NME1: variants seen among roughly 807,000 people sequenced by gnomAD.
The protein encoded by NME1 is nucleoside diphosphate kinase A.
NME1 carries 9 observed loss-of-function variants against 17.2 expected under a neutral mutation model. That is an observed-to-expected ratio of 0.52 (90% CI 0.32 to 0.92). The LOEUF (loss-of-function observed/expected upper bound fraction) is 0.92. Ranked by LOEUF, NME1 falls within the 40% of genes least tolerant of loss-of-function variation. The pLI is 0.04. For missense variants in NME1, 169 were observed against 201.7 expected (o/e 0.84, Z 0.98); for synonymous variants, 72 against 70.8 (o/e 1.02, Z -0.09).
chr17:51,161,252 C>T lies in NME1; in HGVS notation c.321C>T (p.Asp107=). Residue 107 remains aspartate (D), a synonymous_variant, in exon 4 of 5, where the codon GAC becomes GAT. Coordinates refer to ENST00000393196, the MANE Select transcript of NME1 (RefSeq NM_000269.3). ...CCAAGCCTGGGACCATCCGTGGAGA[C>T]TTCTGCATACAAGTTGGCAGGTGAG... ...ADSKPGTIRG[D]FCIQVGRNII... is the part of the protein sequence containing the mutation. The T allele has an allele frequency of 6.2e-7, 1 of 1,611,526 alleles. No homozygotes were observed. The highest frequency in any genetic ancestry group is 8.5e-7 in the Non-Finnish European group (1 of 1,178,956).
chr17:51,155,600 T>C (rs1318793261), intron 1 of NME1, 51 bp from the exon 2 acceptor site: 1 of 1,609,892 alleles, frequency 6.2e-7, no homozygotes, highest in Non-Finnish European at 8.5e-7. Context: ...CGGATGACGC[T>C]GTAGGCAAGT....
chr17:51,154,395 G>C (rs1314651700), intron 1 of NME1: 1 of 1,614,116 alleles, frequency 6.2e-7, no homozygotes, highest in Non-Finnish European at 8.5e-7. Flanking sequence ...GTCTACTTTA[G>C]GGATCGTCTT....
At chr17:51,156,758 G>A (rs533941731) in intron 2 of NME1, among the ~76,000 whole-genome samples, 2 of 152,022 alleles carry the variant, frequency 1.3e-5, no homozygotes, top group South Asian at 2.1e-4. Context: ...CAGGCGTGGT[G>A]GCATGCGCCT....
At chr17:51,154,393 T>C in intron 1 of NME1, 1 of 1,614,058 alleles carries the variant, frequency 6.2e-7, no homozygotes, top group Non-Finnish European at 8.5e-7. Flanking sequence ...CTGTCTACTT[T>C]AGGGATCGTC....
intron 2 of NME1, 147 bp downstream of exon 2, chr17:51,155,927 C>T: frequency 7.6e-7 from 1 of 1,319,138 alleles, no homozygotes; most frequent in East Asian, 2.6e-5. Context: ...TCCTCAGTGC[C>T]CTAGCGTTTG....
intron 2 of NME1, among the ~76,000 whole-genome samples, chr17:51,157,205 T>C (rs767871614): frequency 6.6e-6 from 1 of 150,502 alleles, no homozygotes; most frequent in Admixed American, 6.6e-5. Flanking sequence ...AGGCTCCGTC[T>C]CCAAAAAAAA....
chr17:51,159,454 A>C (rs966075227), intron 2 of NME1, among the ~76,000 whole-genome samples: 15 of 152,316 alleles, frequency 9.8e-5, no homozygotes, highest in South Asian at 2.1e-4. Context: ...AAAATTGGCC[A>C]GGCATGATGG....
intron 3 of NME1, 199 bp from the exon 4 acceptor site, chr17:51,160,961 T>C (rs760452351): frequency 6.0e-5 from 43 of 711,888 alleles, no homozygotes; most frequent in Non-Finnish European, 9.7e-5. Context: ...GAGAATACAT[T>C]GTAGAAAGGC....
At chr17:51,157,475 A>G (rs542256731) in intron 2 of NME1, among the ~76,000 whole-genome samples, 143 of 152,306 alleles carry the variant, frequency 9.4e-4, no homozygotes, top group South Asian at 3.5e-3. Context: ...CTCATGACCT[A>G]AACACCTCCC....
intron 2 of NME1, among the ~76,000 whole-genome samples, chr17:51,159,719 G>T (rs1349283775): frequency 6.6e-6 from 1 of 151,904 alleles, no homozygotes; most frequent in East Asian, 1.9e-4. Context: ...TTTTTTAAAT[G>T]AGATAGCTGG....
At chr17:51,161,566 T>C in intron 4 of NME1, 162 bp from the exon 5 acceptor site, 1 of 725,652 alleles carries the variant, frequency 1.4e-6, no homozygotes, top group South Asian at 1.6e-5. Flanking sequence ...GGGAGGGCAT[T>C]TTTCAGCCTT....
Position 51,161,949 on chromosome 17 carries a change from A to G in NME1, c.*104A>G. On this transcript the variant is annotated 3_prime_UTR_variant, in exon 5 of 5. Transcript: ENST00000393196. ...AGTTATTTACAGGAACTTCATCATA[A>G]TTTGGAGGGAAGCTCTTGGAGCTGT... 2.5e-6 allele frequency: 2 copies of G among 806,290 alleles called. No homozygotes were observed. The highest frequency in any genetic ancestry group is 4.3e-6 in the Non-Finnish European group (2 of 462,252). 49.9% of individuals were successfully genotyped at this position (806,290 alleles called of 1,614,324 possible). A position where few individuals can be genotyped will look rare whatever the true frequency, so the allele number is the denominator to read the frequency against.
intron 2 of NME1, among the ~76,000 whole-genome samples, chr17:51,158,913 G>T (rs552927881): frequency 1.3e-3 from 193 of 152,208 alleles, no homozygotes; most frequent in African/African-American, 4.5e-3. Context: ...TCATTTTTCA[G>T]CAAAATTATT....
chr17:51,156,032 C>T (rs967755491), intron 2 of NME1: 5 of 408,624 alleles, frequency 1.2e-5, no homozygotes, highest in Admixed American at 7.0e-5. Context: ...TGCAGAGTTC[C>T]ACATATGACT....
rs749825423 is a variant in NME1, at chr17:51,160,026, G to A, written c.173G>A (p.Arg58His). The A allele has an allele frequency of 3.6e-5, 58 of 1,614,086 alleles. 1 individual carries two copies. The highest frequency in any genetic ancestry group is 5.3e-5 in the African/African-American group (4 of 75,034). ...GAACACTACGTTGACCTGAAGGACCGTCCATTCTTTGCCGGCCTGGTGAAA... is the reference window on the plus strand; with the variant it reads ...GAACACTACGTTGACCTGAAGGACCATCCATTCTTTGCCGGCCTGGTGAAA... ...LKEHYVDLKD[R>H]PFFAGLVKYM... The change falls in exon 3 of 5, where the codon CGT becomes CAT. Residue 58 changes from arginine (R) to histidine (H), a missense_variant. Transcript: ENST00000393196.
At position 51,155,667 on chromosome 17, in the gene NME1, G is replaced by T; in HGVS notation, c.13G>T (p.Glu5Ter). The part of the protein sequence containing the change: MANC[E>*]RTFIAIKPDG... Reference sequence around the variant, plus strand: ...TATCCCCAGAACCATGGCCAACTGTGAGCGTACCTTCATTGCGATCAAACC... The same window carrying T: ...TATCCCCAGAACCATGGCCAACTGTTAGCGTACCTTCATTGCGATCAAACC... The change falls in exon 2 of 5, where the codon GAG (glutamate) becomes TAG (stop). Residue 5 changes from glutamate (E) to a stop codon, truncating the protein, a stop_gained. Coordinates refer to ENST00000393196, the MANE Select transcript of NME1 (RefSeq NM_000269.3). LOFTEE classifies it high-confidence loss of function. 1 of 1,614,012 alleles carries T rather than the reference G, an allele frequency of 6.2e-7. No homozygotes were observed. Among genetic ancestry groups the T allele is most frequent in the South Asian group, 1.1e-5 (1 of 91,058 alleles).
In NME1 at chr17:51,155,680, T is replaced by C; in HGVS notation, c.26T>C (p.Ile9Thr). Residue 9 changes from isoleucine to threonine, a missense_variant, in exon 2 of 5, where the codon ATT becomes ACT. Coordinates refer to ENST00000393196, the MANE Select transcript of NME1 (RefSeq NM_000269.3). MANCERTF[I>T]AIKPDGVQRG... ...ATGGCCAACTGTGAGCGTACCTTCA[T>C]TGCGATCAAACCAGATGGGGTCCAG... 1 of 1,614,096 alleles carries C rather than the reference T, an allele frequency of 6.2e-7. No homozygotes were observed. The highest frequency in any genetic ancestry group is 8.5e-7 in the Non-Finnish European group (1 of 1,179,974).
Position 51,161,160 on chromosome 17 carries a change from G to A in NME1, c.229G>A (p.Val77Ile), listed in dbSNP as rs753428563. The A allele has an allele frequency of 1.5e-5, 24 of 1,609,290 alleles. No individual in the cohort carries two copies. Among genetic ancestry groups the A allele is most frequent in the African/African-American group, 2.7e-5 (2 of 74,854 alleles). Residue 77 changes from valine (V) to isoleucine (I), a missense_variant and splice_region_variant, in exon 4 of 5, where the codon GTC (valine) becomes ATC (isoleucine). Val to Ile is a conservative substitution (Grantham distance 29). Transcript: ENST00000393196. ...ACCATATCTTCTTCTGTCCTTGGAG[G>A]TCTGGGAGGGGCTGAATGTGGTGAA... is the stretch of plus-strand genomic sequence containing the variant. Reference protein sequence around the residue: ...YMHSGPVVAMVWEGLNVVKTG... With the variant: ...YMHSGPVVAMIWEGLNVVKTG...
At position 51,154,224 on chromosome 17, in the gene NME1, G is replaced by C. The variant is rs554170327; in HGVS notation, c.-5+562G>C. 2.1e-3 allele frequency: 1,550 copies of C among 728,596 alleles called. 7 individuals carry two copies. The highest frequency in any genetic ancestry group is 3.2e-3 in the Non-Finnish European group (1,273 of 392,044). The allele number at this position is 728,596 out of a possible 1,614,324, so 45.1% of individuals were successfully genotyped here. On this transcript the variant is annotated intron_variant, in intron 1 of 4. Transcript: ENST00000393196. ...TTTTCTTTGCTCCTATTGACTGCTA[G>C]GCCCTGTGGCTAGGTACCATAGAGT...
Sources: allele counts gnomAD v4.1 joint callset (sites outside exome capture counted in the v4.1 genomes callset), GRCh38; gene constraint gnomAD v4.1.1; transcripts MANE v1.5; gene names NCBI Gene and HGNC (gene_info 2026-07-23, HGNC 2026-07-21).